The following SCNN1B variants were observed in gnomAD, a reference collection of about 807,000 sequenced individuals.
The protein encoded by SCNN1B is sodium channel epithelial 1 subunit beta, also known as epithelial sodium channel subunit beta.
SCNN1B carries 46 observed loss-of-function variants against 65.3 expected under a neutral mutation model. That is an observed-to-expected ratio of 0.70 (90% CI 0.56 to 0.90). The LOEUF (loss-of-function observed/expected upper bound fraction) is 0.90, where lower values mean the gene tolerates loss of function less well. SCNN1B is among the 40% of genes least tolerant of loss of function. SCNN1B has a pLI of 0.00. For synonymous variants in SCNN1B, 349 were observed against 330.6 expected (o/e 1.06, Z -0.60); for missense variants, 751 against 830.5 (o/e 0.90, Z 1.18).
intron 4 of SCNN1B, among the ~76,000 whole-genome samples, chr16:23,362,201 C>T (rs570036572): frequency 8.6e-5 from 13 of 151,844 alleles, no homozygotes; most frequent in South Asian, 2.1e-4. Flanking sequence ...AAAAATTAGC[C>T]GGGTGTGTTG....
At chr16:23,304,758 T>G (rs142370080) in intron 1 of SCNN1B, among the ~76,000 whole-genome samples, 2 of 152,216 alleles carry the variant, frequency 1.3e-5, no homozygotes, top group Non-Finnish European at 2.9e-5. Context: ...AAAGCTAGAA[T>G]CAGAGACACT....
chr16:23,378,944 T>TGA (rs1440170628), intron 11 of SCNN1B, among the ~76,000 whole-genome samples, 177 bp downstream of exon 11: 1 of 151,972 alleles, frequency 6.6e-6, no homozygotes, highest in Non-Finnish European at 1.5e-5. Context: ...AAGGGGACTC[T>TGA]GAGTCTACCA....
At chr16:23,347,635 C>T (rs1244505644) in intron 1 of SCNN1B, among the ~76,000 whole-genome samples, 2 of 152,150 alleles carry the variant, frequency 1.3e-5, no homozygotes, top group East Asian at 3.9e-4. Flanking sequence ...AGACCAGGTG[C>T]GGTGGTTCAT....
chr16:23,368,056 A>G (rs1962708542), intron 5 of SCNN1B, 97 bp downstream of exon 5: 3 of 959,590 alleles, frequency 3.1e-6, no homozygotes, highest in Non-Finnish European at 5.1e-6. Context: ...GGTGGGACTG[A>G]GGGGGGACCA....
intron 1 of SCNN1B, among the ~76,000 whole-genome samples, chr16:23,281,355 C>T (rs1331605159): frequency 1.3e-5 from 2 of 152,200 alleles, no homozygotes; most frequent in East Asian, 1.9e-4. Flanking sequence ...ATCACTTGAA[C>T]TCTGGAGTGG....
intron 8 of SCNN1B, 143 bp from the exon 9 acceptor site, chr16:23,377,022 G>A: frequency 1.3e-6 from 1 of 758,334 alleles, no homozygotes; most frequent in Non-Finnish European, 2.3e-6. Flanking sequence ...TGGGTGGGGA[G>A]CGGTGATTTT....
intron 2 of SCNN1B, among the ~76,000 whole-genome samples, chr16:23,284,203 A>C (rs1010856903): frequency 6.6e-6 from 1 of 152,078 alleles, no homozygotes; most frequent in Non-Finnish European, 1.5e-5. Flanking sequence ...TCAGGAGTTC[A>C]AGACCAGCCT....
chr16:23,279,335 C>T lies in SCNN1B; in HGVS notation n.110+995C>T, dbSNP rs193298191. On this transcript the variant is annotated intron_variant and non_coding_transcript_variant, in intron 1 of 3. Coordinates refer to the SCNN1B transcript ENST00000569789. ...GCTCAAGTGATCTGCCCACCTCAGC[C>T]TCCCAAGCTACTGGGATTACAGGTG... Among the ~76,000 whole-genome samples the T allele has an allele frequency of 7.3e-3, 1,106 of 152,276 alleles. 56 individuals carry two copies. Among genetic ancestry groups the T allele is most frequent in the Admixed American group, 0.066 (1,011 of 15,284 alleles).
At chr16:23,300,834 A>C (rs563433874), upstream of SCNN1B, among the ~76,000 whole-genome samples, 4 of 152,196 alleles carry the variant, frequency 2.6e-5, no homozygotes, top group South Asian at 8.3e-4. Flanking sequence ...CTCTTTACCA[A>C]AAAAAGAAAA....
intron 5 of SCNN1B, 76 bp downstream of exon 5, chr16:23,368,035 A>C (rs556368883): frequency 8.6e-7 from 1 of 1,158,470 alleles, no homozygotes; most frequent in Non-Finnish European, 1.3e-6. Flanking sequence ...AAAGACCATC[A>C]GCTGTTGCAG....
At chr16:23,335,594 G>C (rs577831838) in intron 1 of SCNN1B, among the ~76,000 whole-genome samples, 1 of 151,802 alleles carries the variant, frequency 6.6e-6, no homozygotes, top group Non-Finnish European at 1.5e-5. Flanking sequence ...TTACAGGTGT[G>C]TGCCACCATG....
At chr16:23,353,164 G>C (rs1431164814) in intron 3 of SCNN1B, 90 bp downstream of exon 3, 56 of 1,436,708 alleles carry the variant, frequency 3.9e-5, no homozygotes, top group Non-Finnish European at 5.2e-5. Context: ...GAGTCTCGCT[G>C]GGGGAAAGAC....
At position 23,355,232 on chromosome 16, in the gene SCNN1B, G is replaced by T; in HGVS notation, c.586-67G>T. On this transcript the variant is annotated intron_variant, in intron 3 of 12. Transcript: ENST00000343070. The stretch of plus-strand genomic sequence containing the variant: ...CAGCTCTTGCCCTGCTAGGGCCCTC[G>T]AGCAGTGGCTGGGGTCCTGCTAGCA... 2.0e-6 allele frequency: 3 copies of T among 1,520,072 alleles called. No homozygotes were observed. In the South Asian group the frequency reaches 3.4e-5, roughly 17 times the overall value. The allele number at this position is 1,520,072 out of a possible 1,614,324, so 94.2% of individuals were successfully genotyped here.
At chr16:23,345,363 GC>G (rs1245182696) in intron 1 of SCNN1B, among the ~76,000 whole-genome samples, 1 of 152,190 alleles carries the variant, frequency 6.6e-6, no homozygotes, top group Non-Finnish European at 1.5e-5. Context: ...GGTGCAAATG[GC>G]AGGCATCCAA....
At chr16:23,294,241 C>T (rs991399715) in intron 2 of SCNN1B, among the ~76,000 whole-genome samples, 1 of 151,674 alleles carries the variant, frequency 6.6e-6, no homozygotes, top group Non-Finnish European at 1.5e-5. Context: ...ACTAAAAATA[C>T]AAAAATTAGC....
At chr16:23,311,376 A>G (rs1300601188) in intron 1 of SCNN1B, among the ~76,000 whole-genome samples, 1 of 152,154 alleles carries the variant, frequency 6.6e-6, no homozygotes, top group Admixed American at 6.5e-5. Context: ...CTCTCTCAAG[A>G]GTTACTCCTG....
At chr16:23,336,879 G>A (rs1961953744) in intron 1 of SCNN1B, among the ~76,000 whole-genome samples, 1 of 152,008 alleles carries the variant, frequency 6.6e-6, no homozygotes, top group African/African-American at 2.4e-5. Flanking sequence ...GCATTATCTA[G>A]TAAGTAAATA....
intron 4 of SCNN1B, chr16:23,358,485 G>T (rs1245083146): frequency 6.6e-6 from 1 of 152,066 alleles, no homozygotes; most frequent in African/African-American, 2.4e-5. Flanking sequence ...GTAAAATAGG[G>T]GAGAGAACAA....
In SCNN1B at chr16:23,371,350, C is replaced by T. The variant is rs777888930; in HGVS notation, c.932C>T (p.Ala311Val). 14 of 1,614,062 alleles carry T rather than the reference C, an allele frequency of 8.7e-6. No individual in the cohort carries two copies. Among genetic ancestry groups the T allele is most frequent in the East Asian group, 4.5e-5 (2 of 44,874 alleles). Residue 311 changes from alanine to valine, a missense_variant, in exon 6 of 13, where the codon GCG becomes GTG. Ala to Val is a moderately conservative substitution (Grantham distance 64). Transcript: ENST00000343070. ...CAGGAAGACTACGTCCCCTTCCTTG[C>T]GTCCACGGCCGGGGTCAGGCTGATG... ...IGQEDYVPFL[A>V]STAGVRLMLH...
Sources: allele counts gnomAD v4.1 joint callset (sites outside exome capture counted in the v4.1 genomes callset), GRCh38; gene constraint gnomAD v4.1.1; transcripts MANE v1.5; gene names NCBI Gene and HGNC (gene_info 2026-07-23, HGNC 2026-07-21).